Variants in NOTCH3 observed in about 807,000 individuals in gnomAD.
The protein encoded by NOTCH3 is neurogenic locus notch homolog protein 3.
A neutral mutation model predicts 213.3 loss-of-function variants in NOTCH3; 86 were observed. The observed-to-expected ratio is 0.40, with a 90% confidence interval of 0.34 to 0.48. The LOEUF (loss-of-function observed/expected upper bound fraction) is 0.48, where lower values mean the gene tolerates loss of function less well. NOTCH3 is among the 20% of genes least tolerant of loss of function. NOTCH3 has a pLI of 0.57. For synonymous variants in NOTCH3, 1,354 were observed against 1,355.9 expected (o/e 1.00, Z 0.03); for missense variants, 2,783 against 3,272.6 (o/e 0.85, Z 3.65).
chr19:15,181,767 G>A lies in NOTCH3; in HGVS notation c.2601C>T (p.Gly867=), dbSNP rs969896904. Residue 867 remains glycine (G), a synonymous_variant, in exon 17 of 33, where the codon GGC becomes GGT. Coordinates refer to ENST00000263388, the MANE Select transcript of NOTCH3 (RefSeq NM_000435.3). Reference sequence around the variant, plus strand: ...GGCAGGAGCAGGAAAAGGAGCCCACGCCGTCTTGGCACGAGCCACCGTTCA... The same window carrying A: ...GGCAGGAGCAGGAAAAGGAGCCCACACCGTCTTGGCACGAGCCACCGTTCA... ...PCLNGGSCQD[G]VGSFSCSCLP... is the part of the protein sequence containing the mutation. 3 of 1,567,470 alleles carry A rather than the reference G, an allele frequency of 1.9e-6. No homozygotes were observed. Among genetic ancestry groups the A allele is most frequent in the East Asian group, 2.4e-5 (1 of 42,498 alleles).
intron 28 of NOTCH3, 103 bp downstream of exon 28, chr19:15,169,983 C>G: frequency 1.4e-6 from 1 of 691,892 alleles, no homozygotes; most frequent in Non-Finnish European, 2.6e-6. Flanking sequence ...GTGGGGACAG[C>G]GGTGCCATCC....
intron 27 of NOTCH3, 57 bp downstream of exon 27, chr19:15,170,274 G>T: frequency 6.4e-7 from 1 of 1,555,404 alleles, no homozygotes; most frequent in Non-Finnish European, 8.9e-7. Flanking sequence ...GTCAAGGCGG[G>T]GTCCAGGGTT....
chr19:15,180,087 C>T lies in NOTCH3; in HGVS notation c.3312G>A (p.Gly1104=), dbSNP rs1490744873. The T allele has an allele frequency of 4.3e-6, 7 of 1,610,740 alleles. No individual in the cohort carries two copies. The highest frequency in any genetic ancestry group is 5.9e-6 in the Non-Finnish European group (7 of 1,178,530). ...GCCCCCTTACCTCACACATGTAGCC[C>T]CCCATATAGCCACGGCAGGTCCCCC... The part of the protein sequence containing the change: ...QHGGTCRGYM[G]GYMCECLPGY... Residue 1104 remains glycine, a synonymous_variant, in exon 20 of 33, where the codon GGG becomes GGA. Coordinates refer to ENST00000263388, the MANE Select transcript of NOTCH3 (RefSeq NM_000435.3).
At position 15,174,280 on chromosome 19, in the gene NOTCH3, C is replaced by T; in HGVS notation, c.4524G>A (p.Leu1508=). 2.6e-6 allele frequency: 4 copies of T among 1,564,844 alleles called. No individual in the cohort carries two copies. The highest frequency in any genetic ancestry group is 3.5e-6 in the Non-Finnish European group (4 of 1,157,262). Residue 1508 remains leucine (L), a synonymous_variant, in exon 25 of 33, where the codon CTG becomes CTA. Coordinates refer to ENST00000263388, the MANE Select transcript of NOTCH3 (RefSeq NM_000435.3). Reference sequence around the variant, plus strand: ...CTGTGAGCACCAGCACGCCGCGGGCCAGCAGGGCCGGCACCTCGCTGGCAC... The same window carrying T: ...CTGTGAGCACCAGCACGCCGCGGGCTAGCAGGGCCGGCACCTCGCTGGCAC... ...LDCASEVPAL[L]ARGVLVLTVL... is the part of the protein sequence containing the mutation.
rs2046897026 is a variant in NOTCH3 at position 15,187,940 on chromosome 19, C to T, written c.1547G>A (p.Cys516Tyr). The stretch of plus-strand genomic sequence containing the variant: ...GTCCACGCATTTGGCGCCATTCCTG[C>T]AGGGCGTGCTGGCGCATTCGTCCAC... ...LDVDECASTPCRNGAKCVDQP... is the reference protein window; with the variant it reads ...LDVDECASTPYRNGAKCVDQP... The change falls in exon 10 of 33, where the codon TGC (cysteine) becomes TAC (tyrosine). Residue 516 changes from cysteine to tyrosine, a missense_variant. Physicochemically the swap from Cys to Tyr is radical, Grantham distance 194. Transcript: ENST00000263388. 1 of 1,550,454 alleles carries T rather than the reference C, an allele frequency of 6.4e-7. No individual in the cohort carries two copies. Among genetic ancestry groups the T allele is most frequent in the Non-Finnish European group, 8.7e-7 (1 of 1,146,984 alleles).
At chr19:15,198,083 T>A (rs1450178832) in intron 1 of NOTCH3, among the ~76,000 whole-genome samples, 1 of 152,178 alleles carries the variant, frequency 6.6e-6, no homozygotes, top group Non-Finnish European at 1.5e-5. Flanking sequence ...CCAAGGCATG[T>A]ACCCACGAGT....
Position 15,184,303 on chromosome 19 carries a change from C to A in NOTCH3, c.2558G>T (p.Cys853Phe). 6.2e-7 allele frequency: 1 copy of A among 1,613,978 alleles called. No individual in the cohort carries two copies. ...AGCTCCCCTGCACTCACTGGGGTCACAGTCATTGATGTCCTGATCGCAGGA... is the reference window on the plus strand; with the variant it reads ...AGCTCCCCTGCACTCACTGGGGTCAAAGTCATTGATGTCCTGATCGCAGGA... ...GPSCDQDIND[C>F]DPNPCLNGGS... Residue 853 changes from cysteine to phenylalanine, a missense_variant, in exon 16 of 33, where the codon TGT becomes TTT. By Grantham distance (205) the Cys-to-Phe change is radical (BLOSUM62 -2). Coordinates refer to ENST00000263388, the MANE Select transcript of NOTCH3 (RefSeq NM_000435.3).
rs1002445703 is a variant in NOTCH3 at position 15,159,125 on chromosome 19, G to C, written c.*1537C>G. ...ATGAAGTAAAAGTGAAATTCATGCA[G>C]AACCATGATCAGATACTTAGAAAGC... is the stretch of plus-strand genomic sequence containing the variant. On this transcript the variant is annotated 3_prime_UTR_variant, in exon 33 of 33. Transcript: ENST00000263388. 6.6e-6 allele frequency: 1 copy of C among 152,170 alleles called. No individual in the cohort carries two copies. The highest frequency in any genetic ancestry group is 1.5e-5 in the Non-Finnish European group (1 of 68,048). 9.4% of individuals were successfully genotyped at this position (152,170 alleles called of 1,614,324 possible). A position where few individuals can be genotyped will look rare whatever the true frequency, so the allele number is the denominator to read the frequency against.
intron 17 of NOTCH3, 26 bp from the exon 18 acceptor site, chr19:15,181,188 G>A: frequency 1.3e-6 from 2 of 1,596,144 alleles, no homozygotes; most frequent in East Asian, 4.5e-5. Context: ...TGGGAGGGAG[G>A]ATCAGGCTCC....
rs35769976 is a variant in NOTCH3, at chr19:15,180,765, C to G, written c.3058G>C (p.Ala1020Pro). The G allele has an allele frequency of 0.028, 44,123 of 1,602,146 alleles. 3,918 individuals are homozygous for G. The African/African-American group carries it at 0.31, about 11-fold the overall frequency. ...QNGGRCVQTG[A>P]YCLCPPGWSG... ...CATCCAGGGGGACAAAGGCAATAGG[C>G]CCCAGTCTGGACGCAGCGACCCCCG... Residue 1020 changes from alanine (A) to proline (P), a missense_variant, in exon 19 of 33, where the codon GCC becomes CCC. Physicochemically the swap from Ala to Pro is conservative, Grantham distance 27. Coordinates refer to ENST00000263388, the MANE Select transcript of NOTCH3 (RefSeq NM_000435.3).
rs774042167 is a variant in NOTCH3 at position 15,192,201 on chromosome 19, G to A, written c.438C>T (p.Cys146=). 14 of 1,611,740 alleles carry A rather than the reference G, an allele frequency of 8.7e-6. No individual in the cohort carries two copies. Among genetic ancestry groups the A allele is most frequent in the Non-Finnish European group, 1.1e-5 (13 of 1,179,528 alleles). Residue 146 remains cysteine, a synonymous_variant, in exon 4 of 33, where the codon TGC becomes TGT. Transcript: ENST00000263388. Reference sequence around the variant, plus strand: ...AGCTGCGGCCCTGGTAGCCAGGTGGGCAGGAGCAGAGGAAGCGTCCATCGG... The same window carrying A: ...AGCTGCGGCCCTGGTAGCCAGGTGGACAGGAGCAGAGGAAGCGTCCATCGG... ...VGPDGRFLCS[C]PPGYQGRSCR...
At position 15,193,770 on chromosome 19, in the gene NOTCH3, C is replaced by CAAAAAA. The variant is rs71333358; in HGVS notation, c.198-1257_198-1252dup. Among the ~76,000 whole-genome samples the CAAAAAA allele has an allele frequency of 2.2e-4, 6 of 27,690 alleles. 1 individual carries two copies. The highest frequency in any genetic ancestry group is 3.0e-4 in the Non-Finnish European group (4 of 13,476). The allele number at this position is 27,690 out of a possible 152,430, so 18.2% of individuals were successfully genotyped here. A position where few individuals can be genotyped will look rare whatever the true frequency, so the allele number is the denominator to read the frequency against. On this transcript the variant is annotated intron_variant, in intron 2 of 32. Coordinates refer to ENST00000263388, the MANE Select transcript of NOTCH3 (RefSeq NM_000435.3). ...TGGTTGACAGAGGGAGACTCCATCT[C>CAAAAAA]AAAAAAAAACAAAAAACAAAAAAAA...
chr19:15,178,137 G>A, intron 23 of NOTCH3, 47 bp from the exon 24 acceptor site: 1 of 1,207,138 alleles, frequency 8.3e-7, no homozygotes, highest in Non-Finnish European at 1.2e-6. Context: ...AGGGTGGGGA[G>A]TGGAGGGAAG....
In NOTCH3 at chr19:15,161,401, C is replaced by A. The variant is rs761138834; in HGVS notation, c.6227G>T (p.Gly2076Val). The A allele has an allele frequency of 3.9e-6, 6 of 1,523,098 alleles. No individual in the cohort carries two copies. The highest frequency in any genetic ancestry group is 1.9e-4 in the Middle Eastern group (1 of 5,158). 94.3% of individuals were successfully genotyped at this position (1,523,098 alleles called of 1,614,324 possible). Reference sequence around the variant, plus strand: ...CAGCTTCTTGCCCCGCCCCCGGGGCCCCTGCGGCCCCAGCCCCGCCTTCCC... The same window carrying A: ...CAGCTTCTTGCCCCGCCCCCGGGGCACCTGCGGCCCCAGCCCCGCCTTCCC... ...PPGKAGLGPQ[G>V]PRGRGKKLTL... The change falls in exon 33 of 33, where the codon GGG becomes GTG. Residue 2076 changes from glycine to valine, a missense_variant. Transcript: ENST00000263388.
intron 20 of NOTCH3, 83 bp from the exon 21 acceptor site, chr19:15,179,579 C>G (rs1338078387): frequency 1.3e-6 from 2 of 1,482,248 alleles, no homozygotes; most frequent in Admixed American, 3.6e-5. Context: ...GCAAAGAACC[C>G]CAGCACAAAA....
chr19:15,165,316 A>G lies in NOTCH3; in HGVS notation c.5815+52T>C. 1.3e-6 allele frequency: 2 copies of G among 1,576,370 alleles called. No homozygotes were observed. The highest frequency in any genetic ancestry group is 1.7e-6 in the Non-Finnish European group (2 of 1,158,194). Reference sequence around the variant, plus strand: ...ATGAATTTGCACCAACATGACCCTCAGGGCCCAGGTGACACCAACCCAGCT... The same window carrying G: ...ATGAATTTGCACCAACATGACCCTCGGGGCCCAGGTGACACCAACCCAGCT... On this transcript the variant is annotated intron_variant, in intron 31 of 32. Coordinates refer to ENST00000263388, the MANE Select transcript of NOTCH3 (RefSeq NM_000435.3). The surrounding 1 kb of genome is among the most constrained non-coding windows in gnomAD (Gnocchi z 4.7).
rs906661626 is a variant in NOTCH3, at chr19:15,160,749, G to A, written c.6879C>T (p.Pro2293=). The change falls in exon 33 of 33, where the codon CCC becomes CCT. Residue 2293 remains proline, a synonymous_variant. Coordinates refer to ENST00000263388, the MANE Select transcript of NOTCH3 (RefSeq NM_000435.3). ...TTGALPAQPL[P]LSVPSSLAQA... Reference sequence around the variant, plus strand: ...GAGCAAGGGAGCTGGGAACAGACAAGGGAAGTGGCTGGGCAGGCAGTGCCC... The same window carrying A: ...GAGCAAGGGAGCTGGGAACAGACAAAGGAAGTGGCTGGGCAGGCAGTGCCC... The A allele has an allele frequency of 6.2e-7, 1 of 1,614,222 alleles. No homozygotes were observed. The highest frequency in any genetic ancestry group is 1.1e-5 in the South Asian group (1 of 91,084).
chr19:15,179,272 G>A lies in NOTCH3; in HGVS notation c.3471C>T (p.Cys1157=), dbSNP rs774933944. The A allele has an allele frequency of 9.9e-6, 16 of 1,613,786 alleles. No homozygotes were observed. The South Asian group carries it at 1.1e-4, about 11-fold the overall frequency. The change falls in exon 22 of 33, where the codon TGC becomes TGT. Residue 1157 remains cysteine, a synonymous_variant. Coordinates refer to ENST00000263388, the MANE Select transcript of NOTCH3 (RefSeq NM_000435.3). ...SCPPGTLGVL[C]EINEDDCGPG... is the part of the protein sequence containing the mutation. ...GGCCGCAGTCATCCTCATTAATCTC[G>A]CAGAGCACCCCTGGGGGAAGAAACG...
At chr19:15,164,666 G>T (rs983076445) in intron 31 of NOTCH3, among the ~76,000 whole-genome samples, 9 of 152,052 alleles carry the variant, frequency 5.9e-5, no homozygotes, top group Non-Finnish European at 8.8e-5. Context: ...TACTATACTG[G>T]ACAGTGCAGA....
Sources: allele counts gnomAD v4.1 joint callset (sites outside exome capture counted in the v4.1 genomes callset), GRCh38; gene constraint gnomAD v4.1.1; non-coding constraint Gnocchi (gnomAD v3.1); transcripts MANE v1.5; gene names NCBI Gene and HGNC (gene_info 2026-07-23, HGNC 2026-07-21).